The following MSH3 variants were observed in gnomAD, a reference collection of about 807,000 sequenced individuals.
MSH3 encodes the protein mutS homolog 3.
MSH3 carries 106 observed loss-of-function variants against 123.3 expected under a neutral mutation model. That is an observed-to-expected ratio of 0.86 (90% CI 0.73 to 1.01). The LOEUF (loss-of-function observed/expected upper bound fraction) is 1.01. MSH3 is among the 50% of genes least tolerant of loss of function. The probability of loss-of-function intolerance (pLI) is 0.00; values close to 1 mark genes in which losing one functional copy is unlikely to be tolerated. For missense variants in MSH3, 1,459 were observed against 1,347.6 expected (o/e 1.08, Z -1.29); for synonymous variants, 515 against 481.4 (o/e 1.07, Z -0.91).
At chr5:80,845,189 G>T (rs1024762611) in intron 20 of MSH3, among the ~76,000 whole-genome samples, 1 of 152,086 alleles carries the variant, frequency 6.6e-6, no homozygotes, top group African/African-American at 2.4e-5. Flanking sequence ...TGAGATTCTG[G>T]GTTGAAAATT....
At chr5:80,777,636 T>C (rs1744328709) in intron 16 of MSH3, among the ~76,000 whole-genome samples, 1 of 152,188 alleles carries the variant, frequency 6.6e-6, no homozygotes, top group Non-Finnish European at 1.5e-5. Flanking sequence ...ATAAGATAGT[T>C]AGGGAAAGGT....
chr5:80,753,494 T>C (rs1014556000), intron 12 of MSH3, among the ~76,000 whole-genome samples: 3 of 152,164 alleles, frequency 2.0e-5, no homozygotes, highest in Admixed American at 2.0e-4. Context: ...TTTTTTGTGG[T>C]CCCTTTTATT....
intron 20 of MSH3, among the ~76,000 whole-genome samples, chr5:80,852,085 G>T (rs975299565): frequency 3.9e-5 from 6 of 152,116 alleles, no homozygotes; most frequent in Non-Finnish European, 8.8e-5. Flanking sequence ...CAGCATTTTG[G>T]GAGGCTAAGG....
chr5:80,796,678 T>C lies in MSH3; in HGVS notation c.2655+3834T>C, dbSNP rs1226477129. 2.0e-5 allele frequency among the ~76,000 whole-genome samples: 3 copies of C among 152,242 alleles called. No homozygotes were observed. In the East Asian group the frequency reaches 5.8e-4, roughly 29 times the overall value. On this transcript the variant is annotated intron_variant, in intron 19 of 23. Coordinates refer to ENST00000265081, the MANE Select transcript of MSH3 (RefSeq NM_002439.5). ...ATGTAACTATAAGTATACTTTTCTG[T>C]ATTCTGTATTACATGAACTTATTAT...
chr5:80,684,445 G>C lies in MSH3; in HGVS notation c.1340+5352G>C, dbSNP rs1481997889. Among the ~76,000 whole-genome samples the C allele has an allele frequency of 3.3e-5, 5 of 151,928 alleles. No homozygotes were observed. In the East Asian group the frequency reaches 7.7e-4, roughly 23 times the overall value. On this transcript the variant is annotated intron_variant, in intron 8 of 23. Transcript: ENST00000265081. ...ATTTTATTTGTAGCTATTGTAAATGGGATTACTTTTTTGATTTCTTTTTCA... is the reference window on the plus strand; with the variant it reads ...ATTTTATTTGTAGCTATTGTAAATGCGATTACTTTTTTGATTTCTTTTTCA...
intron 10 of MSH3, among the ~76,000 whole-genome samples, chr5:80,732,122 A>C (rs1743422903): frequency 6.6e-6 from 1 of 152,200 alleles, no homozygotes. Flanking sequence ...TTGAGAGTTT[A>C]AGTTTGTTTC....
Position 80,659,786 on chromosome 5 carries a change from T to C in MSH3, c.358+3255T>C, listed in dbSNP as rs548992696. Among the ~76,000 whole-genome samples the C allele has an allele frequency of 2.0e-5, 3 of 152,290 alleles. No homozygotes were observed. In the South Asian group the frequency reaches 6.2e-4, roughly 32 times the overall value. On this transcript the variant is annotated intron_variant, in intron 2 of 23. Transcript: ENST00000265081. ...CTGTACCCATTAAACACTGACTCAC[T>C]GTAACCCCCTTCCCCCAGCCCCTGG...
At chr5:80,819,949 C>G (rs1327949552) in intron 20 of MSH3, among the ~76,000 whole-genome samples, 1 of 152,156 alleles carries the variant, frequency 6.6e-6, no homozygotes. Flanking sequence ...TTAAGGAGCT[C>G]AAGTGCAGTA....
At chr5:80,719,649 T>A (rs1410153392) in intron 8 of MSH3, among the ~76,000 whole-genome samples, 2 of 152,232 alleles carry the variant, frequency 1.3e-5, no homozygotes, top group Admixed American at 6.5e-5. Context: ...CATTTAAAGG[T>A]CTTACGTTTC....
chr5:80,853,192 C>A (rs1432935358), intron 20 of MSH3, among the ~76,000 whole-genome samples: 1 of 152,176 alleles, frequency 6.6e-6, no homozygotes, highest in East Asian at 1.9e-4. Context: ...AATGCACTGG[C>A]TGGGCACGGT....
intron 9 of MSH3, among the ~76,000 whole-genome samples, chr5:80,725,851 T>TA (rs1461971406): frequency 6.6e-6 from 1 of 152,146 alleles, no homozygotes; most frequent in Non-Finnish European, 1.5e-5. Context: ...TCCTGTCTGT[T>TA]AAAAAACAAA....
chr5:80,835,128 G>C (rs887263337), intron 20 of MSH3, among the ~76,000 whole-genome samples: 5 of 152,188 alleles, frequency 3.3e-5, no homozygotes, highest in Non-Finnish European at 7.3e-5. Flanking sequence ...AGAACCATTG[G>C]AGAAAGAAAT....
chr5:80,788,451 A>T (rs187867473), intron 18 of MSH3, among the ~76,000 whole-genome samples: 57 of 151,908 alleles, frequency 3.8e-4, no homozygotes, highest in South Asian at 8.3e-4. Context: ...AAAAAAAAAA[A>T]TTTTTTTTCA....
intron 20 of MSH3, among the ~76,000 whole-genome samples, chr5:80,823,831 G>GAGGA (rs2112069177): frequency 6.6e-6 from 1 of 152,300 alleles, no homozygotes; most frequent in African/African-American, 2.4e-5. Flanking sequence ...TTCCTAGGCA[G>GAGGA]AGGACCCTGC....
intron 10 of MSH3, 36 bp downstream of exon 10, chr5:80,729,001 C>T: frequency 8.7e-7 from 1 of 1,154,156 alleles, no homozygotes. Context: ...AAAGGGGGAG[C>T]TTATATTATG....
chr5:80,870,162 G>A (rs1447060969), intron 22 of MSH3, among the ~76,000 whole-genome samples: 4 of 97,032 alleles, frequency 4.1e-5, no homozygotes, highest in Admixed American at 1.4e-4. Context: ...CAACAAGAGC[G>A]AAACTCCGTC....
intron 19 of MSH3, among the ~76,000 whole-genome samples, chr5:80,811,067 C>T (rs1745000516): frequency 6.6e-6 from 1 of 151,860 alleles, no homozygotes; most frequent in Non-Finnish European, 1.5e-5. Context: ...ACTTCTGTCC[C>T]CAAGCGTTTT....
Position 80,655,421 on chromosome 5 carries a change from A to G in MSH3, c.237+457A>G, listed in dbSNP as rs186755555. 1.8e-5 allele frequency: 4 copies of G among 222,764 alleles called. No homozygotes were observed. In the Admixed American group the frequency reaches 2.3e-4, roughly 13 times the overall value. 13.8% of individuals were successfully genotyped at this position (222,764 alleles called of 1,614,324 possible). A position where few individuals can be genotyped will look rare whatever the true frequency, so the allele number is the denominator to read the frequency against. ...GCATGGCTCAATATTTGAAATCACT[A>G]CGGTTAAAAGCAGTCATATTGTGCA... On this transcript the variant is annotated intron_variant, in intron 1 of 23. Coordinates refer to ENST00000265081, the MANE Select transcript of MSH3 (RefSeq NM_002439.5).
intron 10 of MSH3, among the ~76,000 whole-genome samples, chr5:80,739,404 G>A (rs6151740): frequency 0.01 from 1,530 of 152,208 alleles, 26 homozygotes; most frequent in African/African-American, 0.035. Flanking sequence ...AGACATTTCT[G>A]GAGCTTTGTG....
Sources: gnomAD v4.1 joint callset for allele counts (sites outside exome capture counted in the v4.1 genomes callset) on GRCh38, gnomAD v4.1.1 for gene constraint, MANE v1.5 for transcripts, NCBI Gene and HGNC (gene_info 2026-07-23, HGNC 2026-07-21) for gene names.